LPAR6: variants seen among roughly 807,000 people sequenced by gnomAD.
LPAR6 encodes lysophosphatidic acid receptor 6, also known as G-protein coupled purinergic receptor P2Y5.
In LPAR6, 17 loss-of-function variants were observed where a neutral mutation model predicts 22.0. The observed-to-expected ratio is 0.77, with a 90% CI of 0.53 to 1.16. The LOEUF is 1.16. LPAR6 is among the 50% of genes most tolerant of loss of function. The pLI is 0.00. For synonymous variants in LPAR6, 136 were observed against 139.8 expected (o/e 0.97, Z 0.19); for missense variants, 384 against 406.9 (o/e 0.94, Z 0.48).
In LPAR6 at chr13:48,397,100, A is replaced by T. The variant is rs909799469; in HGVS notation, n.115-7288T>A. Among the ~76,000 whole-genome samples the T allele has an allele frequency of 2.0e-5, 3 of 152,356 alleles. No homozygotes were observed. In the East Asian group the frequency reaches 5.8e-4, roughly 29 times the overall value. ...AAGACAGTGTGGCGATTCCTCAAGG[A>T]TCTAGAGCCAGAAATAATATTTGAC... On this transcript the variant is annotated intron_variant and non_coding_transcript_variant, in intron 1 of 1. Coordinates refer to the LPAR6 transcript ENST00000462781.
In LPAR6 at chr13:48,411,160, A is replaced by G. The variant is rs1281619101; in HGVS notation, c.*229T>C. 4.8e-6 allele frequency: 2 copies of G among 414,878 alleles called. No individual in the cohort carries two copies. The highest frequency in any genetic ancestry group is 8.7e-6 in the Non-Finnish European group (2 of 229,176). The allele number at this position is 414,878 out of a possible 1,614,324, so 25.7% of individuals were successfully genotyped here. A position where few individuals can be genotyped will look rare whatever the true frequency, so the allele number is the denominator to read the frequency against. On this transcript the variant is annotated 3_prime_UTR_variant, in exon 1 of 1. Coordinates refer to ENST00000620633, the MANE Select transcript of LPAR6 (RefSeq NM_001162498.3). ...AAATAACTTTAAGAGATTTTTTTTA[A>G]TGAAGGAACAAATCAAAATGGCTCA...
upstream of LPAR6, among the ~76,000 whole-genome samples, chr13:48,413,786 T>C (rs1008419218): frequency 1.3e-5 from 2 of 152,200 alleles, no homozygotes. Flanking sequence ...ATCTTTGGTG[T>C]GGTGTTAATT....
intron 1 of LPAR6, among the ~76,000 whole-genome samples, chr13:48,432,962 GAAT>G (rs1327639043): frequency 1.3e-5 from 2 of 152,002 alleles, no homozygotes; most frequent in Non-Finnish European, 1.5e-5. Flanking sequence ...TGAAATCAGA[GAAT>G]AATATCTTTA....
chr13:48,431,740 G>T (rs946504068), upstream of LPAR6, among the ~76,000 whole-genome samples: 24 of 152,288 alleles, frequency 1.6e-4, no homozygotes, highest in African/African-American at 5.3e-4. Context: ...GCCGTTTGTT[G>T]TTGTTTTAGT....
Position 48,412,879 on chromosome 13 carries a change from T to C in LPAR6, c.-456A>G, listed in dbSNP as rs565465257. The C allele has an allele frequency of 1.1e-4, 21 of 183,026 alleles. No homozygotes were observed. Among genetic ancestry groups the C allele is most frequent in the Non-Finnish European group, 2.6e-4 (20 of 77,466 alleles). 11.3% of individuals were successfully genotyped at this position (183,026 alleles called of 1,614,324 possible). The stretch of plus-strand genomic sequence containing the variant: ...AATGTTAAGCTTAAGTTATCAATCT[T>C]ATTTTCTTTTCAGTGCAGAGTTTCA... On this transcript the variant is annotated 5_prime_UTR_variant, in exon 1 of 1. In the 5' UTR this introduces an upstream ATG that the reference lacks. Coordinates refer to ENST00000620633, the MANE Select transcript of LPAR6 (RefSeq NM_001162498.3).
chr13:48,398,516 AT>A (rs574740963), intron 1 of LPAR6, among the ~76,000 whole-genome samples: 1,668 of 151,292 alleles, frequency 0.011, 24 homozygotes, highest in African/African-American at 0.038. Flanking sequence ...GAGTCCTGTA[AT>A]TTTTTTTTAA....
chr13:48,411,299 G>T lies in LPAR6; in HGVS notation c.*90C>A. ...AAATGTCCATGTGTTAATTTCTTTT[G>T]GAGGTGGAAAAATAGTTTGTCCAAA... On this transcript the variant is annotated 3_prime_UTR_variant, in exon 1 of 1. Transcript: ENST00000620633. 1 of 1,039,006 alleles carries T rather than the reference G, an allele frequency of 9.6e-7. No homozygotes were observed. Among genetic ancestry groups the T allele is most frequent in the Non-Finnish European group, 1.5e-6 (1 of 669,862 alleles). The allele number at this position is 1,039,006 out of a possible 1,614,324, so 64.4% of individuals were successfully genotyped here. A position where few individuals can be genotyped will look rare whatever the true frequency, so the allele number is the denominator to read the frequency against.
chr13:48,434,025 C>T (rs1438937256), intron 1 of LPAR6, among the ~76,000 whole-genome samples: 1 of 151,698 alleles, frequency 6.6e-6, no homozygotes, highest in Admixed American at 6.6e-5. Flanking sequence ...TGCCTGGCCT[C>T]AATATTTATT....
intron 2 of LPAR6, among the ~76,000 whole-genome samples, chr13:48,420,038 T>G (rs1948981463): frequency 6.6e-6 from 1 of 152,200 alleles, no homozygotes; most frequent in Admixed American, 6.5e-5. Context: ...ACTCATTTTA[T>G]AAGCCAAGAA....
At chr13:48,407,969 G>A (rs546115679), downstream of LPAR6, among the ~76,000 whole-genome samples, 3 of 152,164 alleles carry the variant, frequency 2.0e-5, no homozygotes, top group South Asian at 2.1e-4. Flanking sequence ...ATTGACAAAG[G>A]ACAAAATACT....
At chr13:48,423,953 T>C (rs537362653) in intron 1 of LPAR6, 15 of 152,586 alleles carry the variant, frequency 9.8e-5, no homozygotes, top group Admixed American at 4.6e-4. Context: ...GTATGGGACA[T>C]TGATATTTTA....
chr13:48,429,217 A>C (rs1423909074), upstream of LPAR6: 1 of 152,170 alleles, frequency 6.6e-6, no homozygotes, highest in Non-Finnish European at 1.5e-5. Flanking sequence ...AATATTGTAG[A>C]CTTAGATGTA....
At chr13:48,391,942 C>T (rs751975936) in intron 1 of LPAR6, among the ~76,000 whole-genome samples, 2 of 152,038 alleles carry the variant, frequency 1.3e-5, no homozygotes, top group Non-Finnish European at 2.9e-5. Context: ...TTCTTGTGTG[C>T]ATGTCTACTA....
At chr13:48,433,438 T>G (rs1473657858) in intron 1 of LPAR6, among the ~76,000 whole-genome samples, 2 of 152,162 alleles carry the variant, frequency 1.3e-5, no homozygotes, top group Admixed American at 6.5e-5. Flanking sequence ...TGCCTTGCTT[T>G]GTAACTTAAA....
chr13:48,421,588 G>C (rs1949005572), intron 2 of LPAR6, among the ~76,000 whole-genome samples: 1 of 152,084 alleles, frequency 6.6e-6, no homozygotes, highest in Non-Finnish European at 1.5e-5. Context: ...GCAACCTACA[G>C]AATGGGAGAA....
chr13:48,425,360 T>G lies in LPAR6; in HGVS notation c.-1095+1499A>C, dbSNP rs764143182. 5.8e-4 allele frequency among the ~76,000 whole-genome samples: 88 copies of G among 152,250 alleles called. 1 individual carries two copies. Among genetic ancestry groups the G allele is most frequent in the Non-Finnish European group, 1.1e-3 (78 of 68,046 alleles). ...ATTCTCTCAAGGATGCTATGTAACCTAGTCCTACTCTGAATTCCTGGAAGA... is the reference window on the plus strand; with the variant it reads ...ATTCTCTCAAGGATGCTATGTAACCGAGTCCTACTCTGAATTCCTGGAAGA... On this transcript the variant is annotated intron_variant, in intron 1 of 4. Coordinates refer to the LPAR6 transcript ENST00000345941.
chr13:48,436,758 CA>C (rs1949188632), intron 1 of LPAR6, among the ~76,000 whole-genome samples: 1 of 152,244 alleles, frequency 6.6e-6, no homozygotes, highest in East Asian at 1.9e-4. Context: ...TCAGAAAGGC[CA>C]AGGTCTGCCA....
chr13:48,437,468 G>A lies in LPAR6; in HGVS notation c.-1474+7085C>T, dbSNP rs4151561. 6.3e-3 allele frequency among the ~76,000 whole-genome samples: 964 copies of A among 152,294 alleles called. 5 individuals are homozygous for A. Among genetic ancestry groups the A allele is most frequent in the African/African-American group, 0.022 (930 of 41,568 alleles). ...AATTCTGAAAGTCGGGAAACTGGGA[G>A]TGGCTTTACTGTGTGATTTTGACTC... On this transcript the variant is annotated intron_variant, in intron 1 of 6. Transcript: ENST00000378434.
chr13:48,396,433 T>G (rs1948648987), intron 1 of LPAR6, among the ~76,000 whole-genome samples: 1 of 152,194 alleles, frequency 6.6e-6, no homozygotes, highest in South Asian at 2.1e-4. Context: ...TTGGGAAAAC[T>G]GACTAGCCAT....
Sources: allele counts gnomAD v4.1 joint callset (sites outside exome capture counted in the v4.1 genomes callset), GRCh38; gene constraint gnomAD v4.1.1; transcripts MANE v1.5; gene names NCBI Gene and HGNC (gene_info 2026-07-23, HGNC 2026-07-21).